The following EDIL3 variants were observed in gnomAD, a reference collection of about 807,000 sequenced individuals.
The protein encoded by EDIL3 is EGF-like repeat and discoidin I-like domain-containing protein 3.
A neutral mutation model predicts 67.4 loss-of-function variants in EDIL3; 37 were observed. The ratio of observed to expected loss-of-function variants is 0.55; its 90% CI spans 0.42 to 0.72. EDIL3 has a LOEUF of 0.72. Among genes scored for constraint, EDIL3 ranks in the 30% least tolerant of loss-of-function variants. The pLI is 0.00. For missense variants in EDIL3, 527 were observed against 586.3 expected, an observed-to-expected ratio of 0.90 and a Z score of 1.04; for synonymous variants, 195 against 196.3, an observed-to-expected ratio of 0.99 and a Z score of 0.05.
chr5:84,204,511 CATTTTTTAAAAATT>C (rs1330406015), intron 3 of EDIL3, among the ~76,000 whole-genome samples: 1 of 151,970 alleles, frequency 6.6e-6, no homozygotes, highest in East Asian at 1.9e-4. Flanking sequence ...AAATTTATTT[CATTTTTTAAAAATT>C]GTATTTTAAA....
At chr5:84,266,538 G>A (rs1235877961) in intron 1 of EDIL3, among the ~76,000 whole-genome samples, 1 of 152,152 alleles carries the variant, frequency 6.6e-6, no homozygotes, top group East Asian at 1.9e-4. Flanking sequence ...AGGGCTTCAA[G>A]TTATATAAAA....
intron 1 of EDIL3, among the ~76,000 whole-genome samples, chr5:84,272,850 T>A (rs1745503932): frequency 6.7e-6 from 1 of 150,070 alleles, no homozygotes; most frequent in South Asian, 2.1e-4. Flanking sequence ...GTATGAATTA[T>A]TTTTTTTTTC....
At chr5:83,964,467 T>C (rs909759738) in intron 9 of EDIL3, among the ~76,000 whole-genome samples, 11 of 151,950 alleles carry the variant, frequency 7.2e-5, no homozygotes, top group Admixed American at 5.3e-4. Flanking sequence ...TCAACCACTA[T>C]GTCCTTTTGT....
intron 6 of EDIL3, among the ~76,000 whole-genome samples, chr5:84,075,956 TATA>T (rs943341968): frequency 3.0e-4 from 44 of 146,396 alleles, no homozygotes; most frequent in Non-Finnish European, 5.7e-4. Flanking sequence ...TTTATATATA[TATA>T]TATATATATA....
At chr5:84,242,188 C>G (rs1259118632) in intron 2 of EDIL3, among the ~76,000 whole-genome samples, 1 of 151,166 alleles carries the variant, frequency 6.6e-6, no homozygotes, top group Non-Finnish European at 1.5e-5. Flanking sequence ...GCCGAGATCA[C>G]GCCACTGCAC....
intron 6 of EDIL3, among the ~76,000 whole-genome samples, chr5:84,104,205 A>G (rs1180438681): frequency 2.0e-5 from 3 of 152,006 alleles, no homozygotes; most frequent in African/African-American, 7.2e-5. Context: ...ATAGAATGAA[A>G]TAACAGATAG....
intron 3 of EDIL3, among the ~76,000 whole-genome samples, chr5:84,186,495 T>G (rs1037307774): frequency 2.0e-5 from 3 of 152,036 alleles, no homozygotes; most frequent in African/African-American, 7.2e-5. Context: ...AGTTTGGGTA[T>G]CTCATTTTTT....
At chr5:84,051,856 G>C (rs1025021278) in intron 9 of EDIL3, among the ~76,000 whole-genome samples, 7 of 152,220 alleles carry the variant, frequency 4.6e-5, no homozygotes, top group African/African-American at 1.4e-4. Flanking sequence ...AAGTGACGGG[G>C]AGAATGGAAC....
chr5:84,225,183 G>C (rs1182971518), intron 3 of EDIL3, among the ~76,000 whole-genome samples: 3 of 151,558 alleles, frequency 2.0e-5, no homozygotes, highest in African/African-American at 7.2e-5. Context: ...ATTCAGAACT[G>C]AAAGTGATTA....
At chr5:84,237,808 T>A (rs760532674) in intron 2 of EDIL3, among the ~76,000 whole-genome samples, 3 of 152,192 alleles carry the variant, frequency 2.0e-5, no homozygotes, top group Non-Finnish European at 2.9e-5. Flanking sequence ...ATATATTGGA[T>A]GATATTATAT....
chr5:84,208,740 G>C (rs1236580654), intron 3 of EDIL3, among the ~76,000 whole-genome samples: 3 of 150,136 alleles, frequency 2.0e-5, no homozygotes, highest in Admixed American at 2.0e-4. Context: ...TGCTAGAGAG[G>C]ATGTGGAGAA....
intron 5 of EDIL3, among the ~76,000 whole-genome samples, chr5:84,117,030 T>TA (rs10661463): frequency 9.3e-4 from 123 of 132,790 alleles, no homozygotes; most frequent in African/African-American, 2.9e-3. Flanking sequence ...ATTTTTTTTT[T>TA]TTTTTTTTTT....
intron 9 of EDIL3, among the ~76,000 whole-genome samples, chr5:84,007,962 C>A (rs1457898830): frequency 1.3e-5 from 2 of 152,042 alleles, no homozygotes; most frequent in African/African-American, 4.8e-5. Context: ...AAAATGGATA[C>A]CCTGTCATTT....
chr5:84,064,971 A>G, intron 7 of EDIL3, 127 bp from the exon 8 acceptor site: 1 of 1,235,150 alleles, frequency 8.1e-7, no homozygotes, highest in Non-Finnish European at 1.1e-6. Flanking sequence ...GGGAGCATGG[A>G]GCATTTGAGA....
chr5:84,010,055 G>A (rs895551336), intron 9 of EDIL3, among the ~76,000 whole-genome samples: 9 of 152,286 alleles, frequency 5.9e-5, no homozygotes, highest in South Asian at 2.1e-4. Context: ...CACAGCTAGC[G>A]GACTCAAAGC....
chr5:84,350,348 CT>C (rs1189006317), intron 1 of EDIL3, among the ~76,000 whole-genome samples: 8 of 151,904 alleles, frequency 5.3e-5, no homozygotes, highest in African/African-American at 1.9e-4. Context: ...TTAATTTCTA[CT>C]TTTTTACTTT....
At chr5:84,076,561 C>G (rs974145272) in intron 6 of EDIL3, among the ~76,000 whole-genome samples, 1 of 152,102 alleles carries the variant, frequency 6.6e-6, no homozygotes, top group Non-Finnish European at 1.5e-5. Context: ...ATTTTCTAAG[C>G]GATGACACAT....
At chr5:84,053,817 T>TTACCTGAAATTGAGGCA (rs1746388160) in intron 9 of EDIL3, among the ~76,000 whole-genome samples, 1 of 152,150 alleles carries the variant, frequency 6.6e-6, no homozygotes, top group Non-Finnish European at 1.5e-5. Flanking sequence ...CAAGAATTAA[T>TTACCTGAAATTGAGGCA]AGCTTACCAA....
At chr5:84,223,294 T>C (rs2112402402) in intron 3 of EDIL3, among the ~76,000 whole-genome samples, 1 of 151,840 alleles carries the variant, frequency 6.6e-6, no homozygotes, top group Non-Finnish European at 1.5e-5. Flanking sequence ...CTCTTTTCAG[T>C]ATATGCCCAG....
Sources: allele counts gnomAD v4.1 joint callset (sites outside exome capture counted in the v4.1 genomes callset), GRCh38; gene constraint gnomAD v4.1.1; transcripts MANE v1.5; gene names NCBI Gene and HGNC (gene_info 2026-07-23, HGNC 2026-07-21).